Variants in USP54 observed in about 807,000 individuals in gnomAD.
USP54 encodes the protein ubiquitin carboxyl-terminal hydrolase 54.
USP54 carries 87 observed loss-of-function variants against 170.5 expected under a neutral mutation model. The ratio of observed to expected loss-of-function variants is 0.51; its 90% CI spans 0.43 to 0.61. The LOEUF is 0.61. Ranked by LOEUF, USP54 falls within the 20% of genes least tolerant of loss-of-function variation. The probability of loss-of-function intolerance (pLI) is 0.00; values close to 1 mark genes in which losing one functional copy is unlikely to be tolerated. For synonymous variants in USP54, 655 were observed against 742.8 expected, an observed-to-expected ratio of 0.88 and a Z score of 1.92; for missense variants, 1,786 against 2,047.8, an observed-to-expected ratio of 0.87 and a Z score of 2.47.
chr10:73,522,190 G>A (rs2062007979), intron 17 of USP54, among the ~76,000 whole-genome samples: 1 of 152,166 alleles, frequency 6.6e-6, no homozygotes, highest in Non-Finnish European at 1.5e-5. Context: ...TGAAGAACTT[G>A]GCACTCAGGA....
upstream of USP54, among the ~76,000 whole-genome samples, chr10:73,593,061 T>G (rs550378707): frequency 6.6e-6 from 1 of 152,090 alleles, no homozygotes; most frequent in Non-Finnish European, 1.5e-5. Flanking sequence ...AAACTGCCTG[T>G]AGAAAAGGTT....
chr10:73,499,184 A>G lies in USP54; in HGVS notation c.4500T>C (p.Thr1500=). The G allele has an allele frequency of 1.3e-6, 2 of 1,593,262 alleles. No homozygotes were observed. Among genetic ancestry groups the G allele is most frequent in the Admixed American group, 3.6e-5 (2 of 55,224 alleles). Reference sequence around the variant, plus strand: ...CCAGAAACTGCTGGACACTCCTTGAAGTTCCTGGGGAAAGAAAAGAAACCC... The same window carrying G: ...CCAGAAACTGCTGGACACTCCTTGAGGTTCCTGGGGAAAGAAAAGAAACCC... ...MAGEPNRLPG[T]SRSVQQFLAM... is the part of the protein sequence containing the mutation. The change falls in exon 24 of 24, where the codon ACT becomes ACC. Residue 1500 remains threonine (T), a synonymous_variant. Transcript: ENST00000687698.
rs2063627060 is a variant in USP54, at chr10:73,529,689, T to C, written c.2051A>G (p.Asn684Ser). ...SLDAALPESS[N>S]VYRDPSAKRS... ...AAAGGCCAAACAATACCTGTAGACA[T>C]TTGAGCTCTCAGGCAGGGCTGCATC... The change falls in exon 15 of 24, where the codon AAT becomes AGT. Residue 684 changes from asparagine (N) to serine (S), a missense_variant. Transcript: ENST00000687698. 4.3e-6 allele frequency: 7 copies of C among 1,613,996 alleles called. No individual in the cohort carries two copies. The highest frequency in any genetic ancestry group is 5.9e-6 in the Non-Finnish European group (7 of 1,179,980).
chr10:73,512,579 C>T lies in USP54; in HGVS notation c.4051+3796G>A, dbSNP rs374558882. Among the ~76,000 whole-genome samples, 13 of 152,062 alleles carry T rather than the reference C, an allele frequency of 8.5e-5. No individual in the cohort carries two copies. The East Asian group carries it at 2.5e-3, about 29-fold the overall frequency. Reference sequence around the variant, plus strand: ...CTGGAGGAGAGTGGCTGTTCACAGGCATGTGCTCATAGCACACTACAGCCT... The same window carrying T: ...CTGGAGGAGAGTGGCTGTTCACAGGTATGTGCTCATAGCACACTACAGCCT... On this transcript the variant is annotated intron_variant, in intron 20 of 23. Transcript: ENST00000687698.
At chr10:73,523,553 C>T (rs1220101328) in intron 17 of USP54, 30 bp downstream of exon 17, 24 of 1,542,590 alleles carry the variant, frequency 1.6e-5, no homozygotes, top group Non-Finnish European at 2.0e-5. Flanking sequence ...CTGTCCCCAT[C>T]ACCCACAACC....
In USP54 at chr10:73,615,468, CAAGTAT is replaced by C. The variant is rs1407722347; in HGVS notation, c.-18+10093_-18+10098del. ...TTAATTGTACATTTTTAAATAACTA[CAAGTAT>C]AATTGTTTATAACACAAATAATGAA... On this transcript the variant is annotated intron_variant, in intron 1 of 22. Transcript: ENST00000339859. Among the ~76,000 whole-genome samples the C allele has an allele frequency of 4.0e-5, 6 of 150,592 alleles. 1 individual carries two copies. The highest frequency in any genetic ancestry group is 1.5e-4 in the African/African-American group (6 of 39,982).
chr10:73,598,542 C>A (rs947216651), intron 1 of USP54, among the ~76,000 whole-genome samples: 1 of 152,008 alleles, frequency 6.6e-6, no homozygotes, highest in Non-Finnish European at 1.5e-5. Context: ...TTTGGGAGGC[C>A]GAGAAGGCCG....
At chr10:73,619,927 T>G (rs16930755) in intron 1 of USP54, among the ~76,000 whole-genome samples, 5,392 of 150,636 alleles carry the variant, frequency 0.036, 196 homozygotes, top group South Asian at 0.11. Context: ...TAAATATAAC[T>G]TGGCAATGTG....
At chr10:73,539,724 T>C in intron 9 of USP54, 131 bp from the exon 10 acceptor site, 1 of 1,072,410 alleles carries the variant, frequency 9.3e-7, no homozygotes, top group Admixed American at 3.0e-5. Flanking sequence ...TTAAGATTTT[T>C]GTTAGTTTAG....
At chr10:73,589,395 T>C (rs957315976) in intron 1 of USP54, among the ~76,000 whole-genome samples, 3 of 152,152 alleles carry the variant, frequency 2.0e-5, no homozygotes, top group Admixed American at 6.5e-5. Context: ...AGTAGCAAAC[T>C]AGTAATAGCA....
intron 20 of USP54, among the ~76,000 whole-genome samples, chr10:73,511,026 G>A (rs2060111330): frequency 6.6e-6 from 1 of 151,920 alleles, no homozygotes; most frequent in Admixed American, 6.6e-5. Flanking sequence ...TGGTTGCCTG[G>A]GGTTGGGGGA....
chr10:73,623,357 G>T (rs2081240080), intron 1 of USP54, among the ~76,000 whole-genome samples: 1 of 152,160 alleles, frequency 6.6e-6, no homozygotes, highest in Non-Finnish European at 1.5e-5. Flanking sequence ...CTGCATTCCA[G>T]CCTGGGCAAC....
Position 73,521,039 on chromosome 10 carries a change from A to G in USP54, c.2363-12T>C. 1 of 1,613,310 alleles carries G rather than the reference A, an allele frequency of 6.2e-7. No individual in the cohort carries two copies. Among genetic ancestry groups the G allele is most frequent in the Non-Finnish European group, 8.5e-7 (1 of 1,180,004 alleles). ...GCCGTCACTCCTCCCTGAAAGGGCC[A>G]GCACTTTTCATTTTCATTACAATTC... is the stretch of plus-strand genomic sequence containing the variant. On this transcript the variant is annotated splice_polypyrimidine_tract_variant and intron_variant, in intron 17 of 23. Transcript: ENST00000687698.
intron 1 of USP54, among the ~76,000 whole-genome samples, chr10:73,624,198 A>ATGT (rs1554955712): frequency 2.9e-5 from 3 of 102,490 alleles, no homozygotes; most frequent in African/African-American, 1.2e-4. Context: ...ATATATATGT[A>ATGT]TTTTTTTTTT....
chr10:73,517,324 G>C lies in USP54; in HGVS notation c.3102C>G (p.Asn1034Lys). The C allele has an allele frequency of 1.9e-6, 3 of 1,612,658 alleles. No individual in the cohort carries two copies. The highest frequency in any genetic ancestry group is 2.5e-6 in the Non-Finnish European group (3 of 1,179,296). ...CTATTCCAGGCATCACCGGGGAGGG[G>C]TTAGCAGGATCCTTCTTTTCTTGGA... ...QLFQEKKDPA[N>K]PSPVMPGIAT... Residue 1034 changes from asparagine (N) to lysine (K), a missense_variant, in exon 20 of 24, where the codon AAC (asparagine) becomes AAG (lysine). Around this residue, in one of 3 missense-constraint regions of USP54, gnomAD observed 1,418 missense variants for 1,569.0 expected, o/e 0.90. Transcript: ENST00000687698.
At chr10:73,499,483 G>T (rs950910648) in intron 23 of USP54, 2 of 307,528 alleles carry the variant, frequency 6.5e-6, no homozygotes, top group Non-Finnish European at 1.2e-5. Flanking sequence ...ACAAAAGAAG[G>T]GCTCCCTAAT....
At chr10:73,518,034 C>CTTGTG (rs1355686280) in intron 19 of USP54, among the ~76,000 whole-genome samples, 8 of 152,170 alleles carry the variant, frequency 5.3e-5, no homozygotes, top group Non-Finnish European at 1.2e-4. Flanking sequence ...TCTTCACTAC[C>CTTGTG]TGTGAAGTCG....
intron 4 of USP54, among the ~76,000 whole-genome samples, chr10:73,569,936 A>C (rs1330579719): frequency 5.9e-5 from 8 of 135,768 alleles, no homozygotes; most frequent in African/African-American, 1.5e-4. Context: ...AAAAAAAAAA[A>C]AAAACACCCT....
intron 1 of USP54, chr10:73,624,574 CAA>C (rs1429452843): frequency 9.2e-5 from 14 of 152,174 alleles, no homozygotes; most frequent in East Asian, 5.8e-4. Flanking sequence ...TATATAATCA[CAA>C]GAGAGTTATC....
Sources: gnomAD v4.1 joint callset for allele counts (sites outside exome capture counted in the v4.1 genomes callset) on GRCh38, gnomAD v4.1.1 for gene constraint, gnomAD v4.1.1 regional missense constraint, MANE v1.5 for transcripts, NCBI Gene and HGNC (gene_info 2026-07-23, HGNC 2026-07-21) for gene names.